The following GPR149 variants were observed in gnomAD, a reference collection of about 807,000 sequenced individuals.
The protein encoded by GPR149 is probable G protein-coupled receptor 149.
Under a neutral mutation model 50.2 loss-of-function variants are expected in GPR149, and 50 were observed. That is an observed-to-expected ratio of 1.00 (90% CI 0.79 to 1.26). GPR149 has a LOEUF of 1.26. Ranked by LOEUF, GPR149 falls within the 50% of genes most tolerant of loss-of-function variation. GPR149 has a pLI of 0.00. For missense variants in GPR149, 983 were observed against 895.4 expected, an observed-to-expected ratio of 1.10 and a Z score of -1.25; for synonymous variants, 405 against 358.2, an observed-to-expected ratio of 1.13 and a Z score of -1.48.
chr3:154,426,973 T>G (rs1314472092), intron 2 of GPR149, among the ~76,000 whole-genome samples: 1 of 151,826 alleles, frequency 6.6e-6, no homozygotes, highest in African/African-American at 2.4e-5. Flanking sequence ...GCACTCTGAT[T>G]CCTTACTCTG....
intron 3 of GPR149, among the ~76,000 whole-genome samples, chr3:154,384,077 A>T (rs1714996491): frequency 6.6e-6 from 1 of 152,166 alleles, no homozygotes; most frequent in Admixed American, 6.5e-5. Flanking sequence ...AGCCTGAGCC[A>T]ACTAAGACAA....
At chr3:154,346,916 T>C (rs1205301998) in intron 3 of GPR149, among the ~76,000 whole-genome samples, 1 of 152,178 alleles carries the variant, frequency 6.6e-6, no homozygotes, top group African/African-American at 2.4e-5. Flanking sequence ...TTTTTAATGA[T>C]GAAAACTCTA....
At chr3:154,357,124 G>A (rs553927044) in intron 3 of GPR149, among the ~76,000 whole-genome samples, 22 of 152,270 alleles carry the variant, frequency 1.4e-4, no homozygotes, top group African/African-American at 5.3e-4. Flanking sequence ...AAACTGGCTA[G>A]CCCTATGTAG....
chr3:154,399,659 A>G (rs1316011121), intron 3 of GPR149, among the ~76,000 whole-genome samples: 1 of 152,194 alleles, frequency 6.6e-6, no homozygotes, highest in Non-Finnish European at 1.5e-5. Flanking sequence ...CCTCTGCTCT[A>G]GAGACTGATG....
At chr3:154,354,688 T>C in intron 3 of GPR149, 1 of 395,770 alleles carries the variant, frequency 2.5e-6, no homozygotes, top group South Asian at 3.4e-5. Context: ...GCAAAGAGTA[T>C]AGTACAAATT....
intron 3 of GPR149, among the ~76,000 whole-genome samples, chr3:154,418,984 T>C (rs1372062085): frequency 1.3e-5 from 2 of 152,092 alleles, no homozygotes; most frequent in African/African-American, 4.8e-5. Context: ...GATTTCTTCC[T>C]GTTGTTTTAA....
intron 3 of GPR149, among the ~76,000 whole-genome samples, chr3:154,358,244 A>G (rs1041246582): frequency 6.6e-6 from 1 of 152,158 alleles, no homozygotes; most frequent in Admixed American, 6.6e-5. Flanking sequence ...TACATATGTA[A>G]CTAACCTGCG....
chr3:154,369,990 T>C (rs932960129), intron 3 of GPR149, among the ~76,000 whole-genome samples: 4 of 152,144 alleles, frequency 2.6e-5, no homozygotes, highest in African/African-American at 4.8e-5. Flanking sequence ...ACTCAGATCA[T>C]GGAGATTGGA....
chr3:154,362,429 G>A (rs1473105174), intron 3 of GPR149, among the ~76,000 whole-genome samples: 1 of 151,976 alleles, frequency 6.6e-6, no homozygotes, highest in Non-Finnish European at 1.5e-5. Context: ...CCAAGTTTTA[G>A]TCAGAATTAC....
intron 3 of GPR149, among the ~76,000 whole-genome samples, chr3:154,371,730 A>G (rs1355072483): frequency 6.6e-6 from 1 of 152,220 alleles, no homozygotes; most frequent in Non-Finnish European, 1.5e-5. Context: ...GAAAAGGTCA[A>G]AGAAATAAGA....
At chr3:154,414,833 C>T (rs1711942395) in intron 3 of GPR149, among the ~76,000 whole-genome samples, 1 of 151,734 alleles carries the variant, frequency 6.6e-6, no homozygotes, top group African/African-American at 2.4e-5. Context: ...TCCTGCGAAA[C>T]AAAGAAAGAC....
At chr3:154,409,924 A>G (rs952228827) in intron 3 of GPR149, among the ~76,000 whole-genome samples, 9 of 152,206 alleles carry the variant, frequency 5.9e-5, no homozygotes, top group African/African-American at 2.2e-4. Context: ...CTAGGAACAT[A>G]GTCATCAGGT....
At chr3:154,356,874 G>A (rs747898891) in intron 3 of GPR149, among the ~76,000 whole-genome samples, 1 of 152,248 alleles carries the variant, frequency 6.6e-6, no homozygotes. Context: ...GCATCGCCAA[G>A]TCAATCCTAA....
At chr3:154,345,184 T>C (rs560979870) in intron 3 of GPR149, among the ~76,000 whole-genome samples, 64 of 152,354 alleles carry the variant, frequency 4.2e-4, no homozygotes, top group Non-Finnish European at 6.2e-4. Context: ...ACTGACCTTA[T>C]GTCCTTTTCA....
rs1456339744 is a variant in GPR149, at chr3:154,361,040, T to C, written c.1624-22769A>G. ...CCACTACCTACATAGCAACAGAATA[T>C]AGTATACGGAAAATTCTTTTCTAAA... is the stretch of plus-strand genomic sequence containing the variant. On this transcript the variant is annotated intron_variant, in intron 3 of 3. Transcript: ENST00000389740. Among the ~76,000 whole-genome samples, 4 of 152,156 alleles carry C rather than the reference T, an allele frequency of 2.6e-5. No individual in the cohort carries two copies. The East Asian group carries it at 5.8e-4, about 22-fold the overall frequency.
In GPR149 at chr3:154,429,303, A is replaced by G. The variant is rs1274681209; in HGVS notation, c.313T>C (p.Cys105Arg). The G allele has an allele frequency of 6.2e-7, 1 of 1,614,206 alleles. No homozygotes were observed. The highest frequency in any genetic ancestry group is 8.5e-7 in the Non-Finnish European group (1 of 1,180,042). ...AAATACATTAAGGCAGAGGTGGTGCACAGAAATTGGAAGTAACCGGGGACC... is the reference window on the plus strand; with the variant it reads ...AAATACATTAAGGCAGAGGTGGTGCGCAGAAATTGGAAGTAACCGGGGACC... ...NEVPGYFQFL[C>R]TTSALMYLCQ... is the part of the protein sequence containing the mutation. Residue 105 changes from cysteine (C) to arginine (R), a missense_variant, in exon 1 of 4, where the codon TGC becomes CGC. Cys to Arg is a radical substitution (Grantham distance 180). Transcript: ENST00000389740.
chr3:154,348,584 A>G (rs1310758838), intron 3 of GPR149, among the ~76,000 whole-genome samples: 1 of 152,206 alleles, frequency 6.6e-6, no homozygotes, highest in Non-Finnish European at 1.5e-5. Context: ...TAGAGCAAGC[A>G]ACAGAACTGT....
At chr3:154,414,334 A>G (rs999762377) in intron 3 of GPR149, among the ~76,000 whole-genome samples, 3 of 151,968 alleles carry the variant, frequency 2.0e-5, no homozygotes. Flanking sequence ...AATAAATAAA[A>G]TGTGTTTATG....
intron 2 of GPR149, 96 bp downstream of exon 2, chr3:154,427,420 C>T: frequency 1.0e-6 from 1 of 968,300 alleles, no homozygotes. Context: ...TCCTTGGACT[C>T]TCCATCCCCT....
Sources: gnomAD v4.1 joint callset for allele counts (sites outside exome capture counted in the v4.1 genomes callset) on GRCh38, gnomAD v4.1.1 for gene constraint, MANE v1.5 for transcripts, NCBI Gene and HGNC (gene_info 2026-07-23, HGNC 2026-07-21) for gene names.